CSNK2A2IP: variants seen among roughly 807,000 people sequenced by gnomAD.
CSNK2A2IP encodes the protein casein kinase II subunit alpha'-interacting protein.
At chr3:88,409,045 C>T in the CSNK2A2IP span, among the ~76,000 whole-genome samples, 1 of 152,072 alleles carries the variant, frequency 6.6e-6, no homozygotes, top group Non-Finnish European at 1.5e-5. Flanking sequence ...CTCTGACCCA[C>T]AGCATTGCTT....
chr3:88,381,768 A>G, the CSNK2A2IP span, among the ~76,000 whole-genome samples: 8 of 152,336 alleles, frequency 5.3e-5, no homozygotes, highest in South Asian at 1.0e-3. Flanking sequence ...TGAGATTCCT[A>G]TAAGATTGGT....
the CSNK2A2IP span, among the ~76,000 whole-genome samples, chr3:88,455,690 G>T: frequency 6.6e-6 from 1 of 151,852 alleles, no homozygotes; most frequent in South Asian, 2.1e-4. Flanking sequence ...TGTTATGCAA[G>T]AATTTTTCAG....
chr3:88,464,010 G>A, the CSNK2A2IP span, among the ~76,000 whole-genome samples: 2 of 151,932 alleles, frequency 1.3e-5, no homozygotes, highest in African/African-American at 4.8e-5. Context: ...CATGTCCTTT[G>A]TAGGGACATG....
the CSNK2A2IP span, among the ~76,000 whole-genome samples, chr3:88,410,786 G>C: frequency 6.6e-6 from 1 of 151,920 alleles, no homozygotes; most frequent in Non-Finnish European, 1.5e-5. Context: ...CACAGTGGTG[G>C]TTTATTGTAT....
At chr3:88,433,821 T>C in the CSNK2A2IP span, among the ~76,000 whole-genome samples, 2 of 152,154 alleles carry the variant, frequency 1.3e-5, no homozygotes, top group South Asian at 2.1e-4. Flanking sequence ...TGATTACTTA[T>C]AGCTGTTGCC....
At chr3:88,369,653 G>A in the CSNK2A2IP span, among the ~76,000 whole-genome samples, 1 of 152,012 alleles carries the variant, frequency 6.6e-6, no homozygotes, top group African/African-American at 2.4e-5. Flanking sequence ...AACCCAGGGA[G>A]TTTGTTGACA....
the CSNK2A2IP span, among the ~76,000 whole-genome samples, chr3:88,405,262 T>C: frequency 6.6e-6 from 1 of 152,196 alleles, no homozygotes; most frequent in Non-Finnish European, 1.5e-5. Context: ...TCATCTTTAA[T>C]ATGTCCTGAA....
the CSNK2A2IP span, among the ~76,000 whole-genome samples, chr3:88,404,862 T>C: frequency 6.6e-6 from 1 of 152,142 alleles, no homozygotes; most frequent in Non-Finnish European, 1.5e-5. Flanking sequence ...TACCAGTCTA[T>C]CTGTTTACTT....
At chr3:88,342,829 C>T in the CSNK2A2IP span, among the ~76,000 whole-genome samples, 1 of 151,880 alleles carries the variant, frequency 6.6e-6, no homozygotes, top group African/African-American at 2.4e-5. Flanking sequence ...ACCTCTGCTT[C>T]CAGAAAATAA....
chr3:88,416,224 G>A, the CSNK2A2IP span, among the ~76,000 whole-genome samples: 2 of 148,882 alleles, frequency 1.3e-5, no homozygotes, highest in African/African-American at 2.5e-5. Flanking sequence ...AGTGAGCCGA[G>A]ATCGGCCACT....
At chr3:88,395,978 T>C in the CSNK2A2IP span, among the ~76,000 whole-genome samples, 1,522 of 152,334 alleles carry the variant, frequency 1.0e-2, 22 homozygotes, top group African/African-American at 0.035. Flanking sequence ...GCTTGTTTTA[T>C]CCTGGAGTTA....
the CSNK2A2IP span, among the ~76,000 whole-genome samples, chr3:88,397,527 A>G: frequency 1.3e-5 from 2 of 152,200 alleles, no homozygotes; most frequent in African/African-American, 4.8e-5. Flanking sequence ...ACAGAGATTT[A>G]TTGAACAAGC....
chr3:88,447,966 C>G, the CSNK2A2IP span, among the ~76,000 whole-genome samples: 1 of 151,978 alleles, frequency 6.6e-6, no homozygotes, highest in Non-Finnish European at 1.5e-5. Flanking sequence ...ATTTGATTTC[C>G]AAAGCGTTAA....
the CSNK2A2IP span, chr3:88,343,288 A>G: frequency 2.0e-5 from 3 of 152,304 alleles, no homozygotes; most frequent in Non-Finnish European, 2.9e-5. Context: ...TGAGCTTGGT[A>G]AGATGGTGAT....
chr3:88,411,784 G>A, the CSNK2A2IP span, among the ~76,000 whole-genome samples: 2 of 151,036 alleles, frequency 1.3e-5, no homozygotes, highest in African/African-American at 4.9e-5. Flanking sequence ...ATACATTACA[G>A]ATTTCAAATA....
chr3:88,401,178 A>G, the CSNK2A2IP span, among the ~76,000 whole-genome samples: 21 of 152,214 alleles, frequency 1.4e-4, no homozygotes, highest in African/African-American at 4.6e-4. Context: ...TCATTAAAAC[A>G]TAATTCACAA....
the CSNK2A2IP span, among the ~76,000 whole-genome samples, chr3:88,457,364 T>A: frequency 3.3e-5 from 5 of 152,206 alleles, no homozygotes; most frequent in South Asian, 4.1e-4. Flanking sequence ...ACCTTTTTTT[T>A]TATCTATATT....
At chr3:88,388,753 T>A in the CSNK2A2IP span, among the ~76,000 whole-genome samples, 1 of 152,182 alleles carries the variant, frequency 6.6e-6, no homozygotes, top group South Asian at 2.1e-4. Flanking sequence ...AGTCAAGCTG[T>A]CTGCTTCAAT....
chr3:88,416,870 TTTTAATTGCACGTGC>T, the CSNK2A2IP span, among the ~76,000 whole-genome samples: 1 of 152,206 alleles, frequency 6.6e-6, no homozygotes, highest in Non-Finnish European at 1.5e-5. Context: ...TTTCTTTTTC[TTTTAATTGCACGTGC>T]TAACAATTTT....
Sources: gnomAD v4.1 joint callset for allele counts (sites outside exome capture counted in the v4.1 genomes callset) on GRCh38, gnomAD v4.1.1 for gene constraint, MANE v1.5 for transcripts, NCBI Gene and HGNC (gene_info 2026-07-23, HGNC 2026-07-21) for gene names.